The following LRMDA variants were observed in gnomAD, a reference collection of about 807,000 sequenced individuals.
LRMDA encodes the protein leucine rich melanocyte differentiation associated, also known as leucine-rich melanocyte differentiation-associated protein.
Under a neutral mutation model 29.8 loss-of-function variants are expected in LRMDA, and 18 were observed. The observed-to-expected ratio is 0.60, with a 90% CI of 0.42 to 0.90. LRMDA has a LOEUF of 0.90. Ranked by LOEUF, LRMDA falls within the 40% of genes least tolerant of loss-of-function variation. The probability of loss-of-function intolerance (pLI) is 0.00; values close to 1 mark genes in which losing one functional copy is unlikely to be tolerated. For missense variants in LRMDA, 273 were observed against 273.9 expected, an observed-to-expected ratio of 1.00 and a Z score of 0.02; for synonymous variants, 125 against 109.4, an observed-to-expected ratio of 1.14 and a Z score of -0.89.
At position 76,007,104 on chromosome 10, in the gene LRMDA, A is replaced by G. The variant is rs1320372327; in HGVS notation, c.132-28904A>G. 2.0e-5 allele frequency among the ~76,000 whole-genome samples: 3 copies of G among 151,816 alleles called. No homozygotes were observed. The East Asian group carries it at 5.9e-4, about 30-fold the overall frequency. The stretch of plus-strand genomic sequence containing the variant: ...CCTGCAGTCTTCTGTAGCCGATGTA[A>G]CAATCCTCCTGGATGAACCTCTTGT... On this transcript the variant is annotated intron_variant, in intron 2 of 6. Transcript: ENST00000611255.
chr10:75,614,346 G>A (rs760261543), intron 2 of LRMDA, among the ~76,000 whole-genome samples: 1 of 152,140 alleles, frequency 6.6e-6, no homozygotes, highest in South Asian at 2.1e-4. Context: ...AGAGACTGAC[G>A]GGAAGGGATG....
At chr10:76,022,659 A>G (rs1185687818) in intron 2 of LRMDA, among the ~76,000 whole-genome samples, 1 of 152,124 alleles carries the variant, frequency 6.6e-6, no homozygotes, top group Non-Finnish European at 1.5e-5. Context: ...AATCTTCCTT[A>G]CTTTGCTAGG....
In LRMDA at chr10:76,105,907, C is replaced by T. The variant is rs982219638; in HGVS notation, c.516+47124C>T. Among the ~76,000 whole-genome samples, 21 of 152,128 alleles carry T rather than the reference C, an allele frequency of 1.4e-4. No homozygotes were observed. In the East Asian group the frequency reaches 1.9e-3, roughly 14 times the overall value. On this transcript the variant is annotated intron_variant, in intron 5 of 6. Transcript: ENST00000611255. ...GACTACAGGCGCATGCCACCATGCC[C>T]GGCTAATTTTTGTATTTTTAGTAGA...
At chr10:75,700,906 A>G (rs1589163464) in intron 2 of LRMDA, among the ~76,000 whole-genome samples, 1 of 152,184 alleles carries the variant, frequency 6.6e-6, no homozygotes, top group East Asian at 1.9e-4. Context: ...AAAGCATGTG[A>G]TCATTCCACT....
intron 6 of LRMDA, among the ~76,000 whole-genome samples, chr10:76,422,272 T>C (rs1321451413): frequency 6.6e-6 from 1 of 152,116 alleles, no homozygotes; most frequent in Non-Finnish European, 1.5e-5. Context: ...CTCCACACGC[T>C]CACTCTCCCC....
chr10:76,558,970 C>A lies in LRMDA; in HGVS notation c.*1682C>A, dbSNP rs1412777297. On this transcript the variant is annotated 3_prime_UTR_variant, in exon 7 of 7. Coordinates refer to ENST00000611255, the MANE Select transcript of LRMDA (RefSeq NM_001305581.2). Reference sequence around the variant, plus strand: ...TCCATTAGTAACTGGATTTGAGTACCTTTTCTCTGTTTGATCTACAAAACA... The same window carrying A: ...TCCATTAGTAACTGGATTTGAGTACATTTTCTCTGTTTGATCTACAAAACA... 1.3e-5 allele frequency: 2 copies of A among 152,072 alleles called. No homozygotes were observed. Among genetic ancestry groups the A allele is most frequent in the Admixed American group, 6.6e-5 (1 of 15,264 alleles). 9.4% of individuals were successfully genotyped at this position (152,072 alleles called of 1,614,324 possible).
intron 2 of LRMDA, among the ~76,000 whole-genome samples, chr10:75,596,952 T>C (rs1840796780): frequency 6.7e-6 from 1 of 150,294 alleles, no homozygotes; most frequent in Non-Finnish European, 1.5e-5. Flanking sequence ...TCTTTCTTTC[T>C]TTCTTTTTTT....
chr10:76,084,155 C>T (rs370724198), intron 5 of LRMDA, among the ~76,000 whole-genome samples: 3 of 151,864 alleles, frequency 2.0e-5, no homozygotes, highest in African/African-American at 4.8e-5. Flanking sequence ...GGACTTGGCT[C>T]AGTAGGAATA....
At position 75,771,281 on chromosome 10, in the gene LRMDA, A is replaced by AT. The variant is rs796592141; in HGVS notation, c.132-264715dup. ...CTTCCCTCCTTCCTTCCATCCATGC[A>AT]TTTTTTTTTTTTATCTAGTCATCCA... On this transcript the variant is annotated intron_variant, in intron 2 of 6. Coordinates refer to ENST00000611255, the MANE Select transcript of LRMDA (RefSeq NM_001305581.2). Among the ~76,000 whole-genome samples, 888 of 144,858 alleles carry AT rather than the reference A, an allele frequency of 6.1e-3. 4 individuals are homozygous for AT. The highest frequency in any genetic ancestry group is 0.018 in the East Asian group (92 of 4,994).
At chr10:76,271,203 T>C (rs575963452) in intron 5 of LRMDA, among the ~76,000 whole-genome samples, 14 of 152,176 alleles carry the variant, frequency 9.2e-5, no homozygotes, top group African/African-American at 3.1e-4. Context: ...AACTCAGGAG[T>C]TCGAGGCCAG....
At chr10:75,708,211 A>G (rs1458573348) in intron 2 of LRMDA, among the ~76,000 whole-genome samples, 1 of 152,162 alleles carries the variant, frequency 6.6e-6, no homozygotes, top group Non-Finnish European at 1.5e-5. Flanking sequence ...TGCTGCCACT[A>G]GCAGGGCGTC....
chr10:75,681,684 T>C (rs1030242512), intron 2 of LRMDA, among the ~76,000 whole-genome samples: 1 of 152,178 alleles, frequency 6.6e-6, no homozygotes, highest in Non-Finnish European at 1.5e-5. Context: ...CAGCGAAATT[T>C]CGTTGTCCTG....
At chr10:75,458,995 T>C (rs1265064233) in intron 2 of LRMDA, among the ~76,000 whole-genome samples, 2 of 63,126 alleles carry the variant, frequency 3.2e-5, no homozygotes, top group Non-Finnish European at 6.2e-5. Flanking sequence ...CAGGGTCTGC[T>C]TTAGATTTTT....
chr10:75,914,770 T>C (rs577473340), intron 2 of LRMDA, among the ~76,000 whole-genome samples: 4 of 152,368 alleles, frequency 2.6e-5, no homozygotes, highest in African/African-American at 9.6e-5. Context: ...GACAAATTTC[T>C]CACTGGATGA....
chr10:76,005,359 C>T (rs542938340), intron 2 of LRMDA, among the ~76,000 whole-genome samples: 59 of 152,290 alleles, frequency 3.9e-4, no homozygotes, highest in African/African-American at 1.3e-3. Context: ...GTGCTTCCCT[C>T]ATAGAAAAAT....
intron 2 of LRMDA, among the ~76,000 whole-genome samples, chr10:75,999,343 T>C (rs1170123527): frequency 6.6e-6 from 1 of 152,174 alleles, no homozygotes; most frequent in Non-Finnish European, 1.5e-5. Flanking sequence ...GATTTATTGT[T>C]GTCACAGCAC....
intron 6 of LRMDA, among the ~76,000 whole-genome samples, chr10:76,488,608 A>T (rs1262131161): frequency 2.0e-5 from 3 of 152,060 alleles, no homozygotes; most frequent in East Asian, 1.9e-4. Flanking sequence ...TATTAAAAAT[A>T]AAGCAGCCAT....
At chr10:75,578,961 C>A (rs1435197842) in intron 2 of LRMDA, among the ~76,000 whole-genome samples, 1 of 151,824 alleles carries the variant, frequency 6.6e-6, no homozygotes, top group Non-Finnish European at 1.5e-5. Context: ...CAAGAGAAAG[C>A]AGGAAAGATC....
chr10:75,783,298 A>T (rs768776998), intron 2 of LRMDA, among the ~76,000 whole-genome samples: 9 of 152,190 alleles, frequency 5.9e-5, no homozygotes, highest in Non-Finnish European at 1.2e-4. Flanking sequence ...GCTTTTAGGC[A>T]TGCATTGTTC....
Sources: allele counts gnomAD v4.1 joint callset (sites outside exome capture counted in the v4.1 genomes callset), GRCh38; gene constraint gnomAD v4.1.1; transcripts MANE v1.5; gene names NCBI Gene and HGNC (gene_info 2026-07-23, HGNC 2026-07-21).